The following PUM3 variants were observed in gnomAD, a reference collection of about 807,000 sequenced individuals.
PUM3 encodes pumilio homolog 3.
A neutral mutation model predicts 84.0 loss-of-function variants in PUM3; 91 were observed. The ratio of observed to expected loss-of-function variants is 1.08; its 90% CI spans 0.91 to 1.29. The LOEUF (loss-of-function observed/expected upper bound fraction) is 1.29, where lower values mean the gene tolerates loss of function less well. PUM3 is among the 50% of genes most tolerant of loss of function. PUM3 has a pLI of 0.00. For missense variants in PUM3, 1,067 were observed against 767.5 expected (o/e 1.39, Z -4.61); for synonymous variants, 321 against 266.7 (o/e 1.20, Z -1.98).
Position 2,837,392 on chromosome 9 carries a change from G to A in PUM3, c.92C>T (p.Ser31Phe). 6.2e-7 allele frequency: 1 copy of A among 1,605,516 alleles called. No homozygotes were observed. Among genetic ancestry groups the A allele is most frequent in the Non-Finnish European group, 8.5e-7 (1 of 1,172,974 alleles). The change falls in exon 3 of 18, where the codon TCT (serine) becomes TTT (phenylalanine). Residue 31 changes from serine (S) to phenylalanine (F), a missense_variant. Physicochemically the swap from Ser to Phe is radical, Grantham distance 155 (BLOSUM62 -2). Transcript: ENST00000397885. Reference sequence around the variant, plus strand: ...TTTCCTTGTTGGAAATGTCTTTGAAGAACCAGAATCTAGTGACAATAATAA... The same window carrying A: ...TTTCCTTGTTGGAAATGTCTTTGAAAAACCAGAATCTAGTGACAATAATAA... The part of the protein sequence containing the change: ...NRFHKNSDSG[S>F]SKTFPTRKVA...
rs749218744 is a variant in PUM3 at position 2,807,941 on chromosome 9, A to G, written c.1724-37T>C. 2.9e-5 allele frequency: 36 copies of G among 1,261,190 alleles called. 1 individual carries two copies. Among genetic ancestry groups the G allele is most frequent in the South Asian group, 2.0e-4 (17 of 83,518 alleles). 78.1% of individuals were successfully genotyped at this position (1,261,190 alleles called of 1,614,324 possible). On this transcript the variant is annotated intron_variant, in intron 16 of 17. Coordinates refer to ENST00000397885, the MANE Select transcript of PUM3 (RefSeq NM_014878.5). ...ACTGAAGCTTAGTGAACATCACATA[A>G]TAAGATATATACTCCCTACCCCCTT...
At chr9:2,838,275 G>C in intron 2 of PUM3, 151 bp downstream of exon 2, 2 of 606,242 alleles carry the variant, frequency 3.3e-6, no homozygotes, top group East Asian at 2.6e-5. Flanking sequence ...TAAATGTCAT[G>C]AGCAACATGT....
intron 15 of PUM3, 102 bp downstream of exon 15, chr9:2,811,259 G>T: frequency 2.3e-6 from 2 of 857,036 alleles, no homozygotes; most frequent in Admixed American, 3.9e-5. Flanking sequence ...TATTCAACAG[G>T]TATCTCCCTC....
chr9:2,827,667 G>A (rs111299077), intron 9 of PUM3, among the ~76,000 whole-genome samples: 49 of 152,330 alleles, frequency 3.2e-4, no homozygotes, highest in African/African-American at 1.1e-3. Context: ...GGATCCAGGT[G>A]TACAGTGGAG....
At chr9:2,825,632 G>A (rs1458993266) in intron 10 of PUM3, among the ~76,000 whole-genome samples, 12 of 151,872 alleles carry the variant, frequency 7.9e-5, no homozygotes, top group Admixed American at 5.9e-4. Flanking sequence ...ACAGGTGCCC[G>A]CCACCACCCC....
Position 2,838,489 on chromosome 9 carries a change from T to G in PUM3, c.19A>C (p.Lys7Gln). The change falls in exon 2 of 18, where the codon AAG (lysine) becomes CAG (glutamine). Residue 7 changes from lysine to glutamine, a missense_variant. Coordinates refer to ENST00000397885, the MANE Select transcript of PUM3 (RefSeq NM_014878.5). MEVKGK[K>Q]QFTGKSTKTA... ...TTTGTACTCTTTCCTGTGAATTGCTTTTTCCCTTTAACTTCCATCGTAGCA... is the reference window on the plus strand; with the variant it reads ...TTTGTACTCTTTCCTGTGAATTGCTGTTTCCCTTTAACTTCCATCGTAGCA... The G allele has an allele frequency of 3.1e-6, 5 of 1,613,496 alleles. No homozygotes were observed. Among genetic ancestry groups the G allele is most frequent in the Non-Finnish European group, 4.2e-6 (5 of 1,179,536 alleles).
intron 4 of PUM3, 40 bp from the exon 5 acceptor site, chr9:2,833,472 G>C: frequency 6.0e-6 from 7 of 1,162,384 alleles, no homozygotes; most frequent in Non-Finnish European, 7.6e-6. Context: ...TTGAAATAAA[G>C]AAGTTATTTT....
At chr9:2,842,875 C>T (rs1816305351) in intron 1 of PUM3, among the ~76,000 whole-genome samples, 1 of 152,148 alleles carries the variant, frequency 6.6e-6, no homozygotes. Context: ...GCCCTATCGT[C>T]CTCCATCTCA....
At chr9:2,804,685 G>C (rs750434822) in intron 17 of PUM3, among the ~76,000 whole-genome samples, 1 of 152,192 alleles carries the variant, frequency 6.6e-6, no homozygotes, top group African/African-American at 2.4e-5. Flanking sequence ...CCCAAGCAAA[G>C]ACATTTGTAG....
intron 5 of PUM3, 129 bp from the exon 6 acceptor site, chr9:2,831,473 A>G (rs1815978376): frequency 3.1e-6 from 2 of 649,704 alleles, no homozygotes; most frequent in Non-Finnish European, 5.4e-6. Flanking sequence ...TCAAACCTAG[A>G]TTACTGAGAA....
At chr9:2,842,262 G>A (rs1158457765) in intron 1 of PUM3, among the ~76,000 whole-genome samples, 2 of 152,058 alleles carry the variant, frequency 1.3e-5, no homozygotes, top group African/African-American at 4.8e-5. Context: ...CTCTTGCTCA[G>A]TTTTGTTTAG....
Position 2,804,445 on chromosome 9 carries a change from G to A in PUM3, c.1833C>T (p.Asp611=), listed in dbSNP as rs1468515395. 1.2e-6 allele frequency: 2 copies of A among 1,613,512 alleles called. No individual in the cohort carries two copies. Among genetic ancestry groups the A allele is most frequent in the African/African-American group, 1.3e-5 (1 of 74,976 alleles). Residue 611 remains aspartate (D), a synonymous_variant, in exon 18 of 18, where the codon GAC becomes GAT. Coordinates refer to ENST00000397885, the MANE Select transcript of PUM3 (RefSeq NM_014878.5). ...IILSSLLQSC[D]LEVANKVKAA... Reference sequence around the variant, plus strand: ...CTTTGACTTTGTTTGCAACTTCCAGGTCACAACTCTGGAGGAGGCTGAAGA... The same window carrying A: ...CTTTGACTTTGTTTGCAACTTCCAGATCACAACTCTGGAGGAGGCTGAAGA...
intron 12 of PUM3, among the ~76,000 whole-genome samples, chr9:2,822,349 T>C (rs995829884): frequency 3.3e-5 from 5 of 152,090 alleles, no homozygotes; most frequent in African/African-American, 1.2e-4. Context: ...ATAAAACAGG[T>C]CTCAGTAAAT....
intron 11 of PUM3, 111 bp downstream of exon 11, chr9:2,824,606 C>G (rs1815755602): frequency 1.7e-6 from 1 of 581,042 alleles, no homozygotes; most frequent in Non-Finnish European, 2.6e-6. Flanking sequence ...TAATGCACAA[C>G]AGGGCAAAGA....
chr9:2,821,726 G>C (rs1815643918), intron 12 of PUM3, among the ~76,000 whole-genome samples: 1 of 152,098 alleles, frequency 6.6e-6, no homozygotes. Context: ...TAAAATGCAG[G>C]TATGAGCTGA....
intron 14 of PUM3, 81 bp from the exon 15 acceptor site, chr9:2,811,664 G>C (rs1021018140): frequency 3.1e-6 from 3 of 975,352 alleles, no homozygotes; most frequent in South Asian, 1.5e-5. Context: ...AAACCTCTAA[G>C]AGCTTATCAC....
At chr9:2,809,155 G>C (rs1821316941) in intron 16 of PUM3, among the ~76,000 whole-genome samples, 1 of 152,168 alleles carries the variant, frequency 6.6e-6, no homozygotes, top group Admixed American at 6.5e-5. Context: ...CCCTGATCAA[G>C]TCATTGTTTT....
At chr9:2,809,217 C>G (rs1043219205) in intron 16 of PUM3, among the ~76,000 whole-genome samples, 7 of 152,144 alleles carry the variant, frequency 4.6e-5, no homozygotes, top group Admixed American at 4.6e-4. Context: ...AGAATCAAAA[C>G]AGCTAGACGT....
chr9:2,828,385 G>C (rs1815880779), intron 9 of PUM3: 1 of 311,078 alleles, frequency 3.2e-6, no homozygotes, highest in African/African-American at 2.2e-5. Context: ...AAACTGTTTA[G>C]TATACATGGC....
Sources: allele counts gnomAD v4.1 joint callset (sites outside exome capture counted in the v4.1 genomes callset), GRCh38; gene constraint gnomAD v4.1.1; transcripts MANE v1.5; gene names NCBI Gene and HGNC (gene_info 2026-07-23, HGNC 2026-07-21).